Variants in PCDHGB2 observed in about 807,000 individuals in gnomAD.
PCDHGB2 encodes the protein protocadherin gamma subfamily B, 2.
Under a neutral mutation model 59.3 loss-of-function variants are expected in PCDHGB2, and 55 were observed. The ratio of observed to expected loss-of-function variants is 0.93; its 90% CI spans 0.75 to 1.16. PCDHGB2 has a LOEUF of 1.16. PCDHGB2 is among the 50% of genes most tolerant of loss of function. PCDHGB2 has a pLI of 0.00. For synonymous variants in PCDHGB2, 516 were observed against 512.0 expected (o/e 1.01, Z -0.11); for missense variants, 1,228 against 1,198.5 (o/e 1.02, Z -0.36).
intron 1 of PCDHGB2, chr5:141,398,838 T>C: frequency 6.2e-7 from 1 of 1,613,946 alleles, no homozygotes; most frequent in Non-Finnish European, 8.5e-7. Context: ...ACGCCAATGA[T>C]AATCCCCCGG....
chr5:141,394,980 C>T, intron 1 of PCDHGB2: 2 of 1,614,012 alleles, frequency 1.2e-6, no homozygotes, highest in Non-Finnish European at 1.7e-6. Flanking sequence ...GCACAAGTCA[C>T]GCCTGCTCCA....
intron 1 of PCDHGB2, among the ~76,000 whole-genome samples, chr5:141,460,983 GTATA>G (rs59296681): frequency 0.024 from 3,365 of 137,748 alleles, 55 homozygotes; most frequent in African/African-American, 0.035. Flanking sequence ...GTGTGTGTGT[GTATA>G]TATATATATG....
intron 1 of PCDHGB2, among the ~76,000 whole-genome samples, chr5:141,473,871 T>A (rs2099330260): frequency 1.3e-5 from 2 of 152,190 alleles, no homozygotes; most frequent in Admixed American, 6.5e-5. Context: ...TTGTGGAGAA[T>A]GCATACACAA....
intron 1 of PCDHGB2, chr5:141,433,253 G>T: frequency 7.1e-7 from 1 of 1,416,466 alleles, no homozygotes; most frequent in South Asian, 1.3e-5. Flanking sequence ...GAATGCAGCG[G>T]TACGATCATA....
chr5:141,394,138 T>C (rs1360282699), intron 1 of PCDHGB2: 1 of 1,613,860 alleles, frequency 6.2e-7, no homozygotes. Flanking sequence ...GCTCTGCACG[T>C]GGCAGACATT....
intron 1 of PCDHGB2, among the ~76,000 whole-genome samples, chr5:141,407,680 C>A (rs2094967585): frequency 6.6e-6 from 1 of 151,942 alleles, no homozygotes; most frequent in Non-Finnish European, 1.5e-5. Flanking sequence ...CAAAGATTGG[C>A]TTTGTGGTGA....
chr5:141,364,528 C>G (rs1445482375), intron 1 of PCDHGB2: 43 of 1,614,048 alleles, frequency 2.7e-5, no homozygotes, highest in Non-Finnish European at 3.6e-5. Flanking sequence ...GAGTCCGCAT[C>G]GTCTCCAGAG....
chr5:141,476,979 G>C lies in PCDHGB2; in HGVS notation c.2422-17828G>C. On this transcript the variant is annotated intron_variant, in intron 1 of 3. Coordinates refer to ENST00000522605, the MANE Select transcript of PCDHGB2 (RefSeq NM_018923.3). The surrounding 1 kb of genome is among the most constrained non-coding windows in gnomAD (Gnocchi z 7.6). Reference sequence around the variant, plus strand: ...ATTTACTCCTTCGGCAGCCACAACCGCGCCGGCGTGCGGCAACTATTCGCC... The same window carrying C: ...ATTTACTCCTTCGGCAGCCACAACCCCGCCGGCGTGCGGCAACTATTCGCC... 1 of 1,614,238 alleles carries C rather than the reference G, an allele frequency of 6.2e-7. No homozygotes were observed. The highest frequency in any genetic ancestry group is 1.3e-5 in the African/African-American group (1 of 75,074).
chr5:141,393,934 A>G, intron 1 of PCDHGB2: 3 of 1,613,984 alleles, frequency 1.9e-6, no homozygotes, highest in Non-Finnish European at 2.5e-6. Context: ...GTGCATGACC[A>G]AGACTCTGGA....
At chr5:141,502,140 G>A (rs534984161) in intron 2 of PCDHGB2, among the ~76,000 whole-genome samples, 1 of 152,268 alleles carries the variant, frequency 6.6e-6, no homozygotes, top group South Asian at 2.1e-4. Context: ...CAGTCGGGCC[G>A]GAAGTAAGGA....
Position 141,491,886 on chromosome 5 carries a change from G to A in PCDHGB2, c.2422-2921G>A. On this transcript the variant is annotated intron_variant, in intron 1 of 3. Coordinates refer to ENST00000522605, the MANE Select transcript of PCDHGB2 (RefSeq NM_018923.3). The surrounding 1 kb of genome is among the most constrained non-coding windows in gnomAD (Gnocchi z 6.9). ...CCAGAGTGGCCGATTAAGGGATGGG[G>A]CTCCGAGCACCGGGGGTGGTGGCGA... 6.9e-7 allele frequency: 1 copy of A among 1,445,558 alleles called. No individual in the cohort carries two copies. Among genetic ancestry groups the A allele is most frequent in the Non-Finnish European group, 9.1e-7 (1 of 1,093,458 alleles). 89.5% of individuals were successfully genotyped at this position (1,445,558 alleles called of 1,614,324 possible). A position where few individuals can be genotyped will look rare whatever the true frequency, so the allele number is the denominator to read the frequency against.
chr5:141,459,162 T>A (rs1408033955), intron 1 of PCDHGB2, among the ~76,000 whole-genome samples: 3 of 152,224 alleles, frequency 2.0e-5, no homozygotes, highest in African/African-American at 7.2e-5. Context: ...AACATTTCTA[T>A]AACCTTCAAA....
At chr5:141,435,995 A>C (rs1033174115) in intron 1 of PCDHGB2, among the ~76,000 whole-genome samples, 2 of 152,144 alleles carry the variant, frequency 1.3e-5, no homozygotes, top group African/African-American at 4.8e-5. Context: ...TGATTTTTTG[A>C]AAGAAAGTAT....
Position 141,489,429 on chromosome 5 carries a change from G to A in PCDHGB2, c.2422-5378G>A. 1 of 1,614,140 alleles carries A rather than the reference G, an allele frequency of 6.2e-7. No individual in the cohort carries two copies. Among genetic ancestry groups the A allele is most frequent in the Non-Finnish European group, 8.5e-7 (1 of 1,180,036 alleles). ...AGATGACAGATCTGTTGAGCCGGCG[G>A]CTGCAATTGGGCTCTGAGGAGAATG... On this transcript the variant is annotated intron_variant, in intron 1 of 3. Transcript: ENST00000522605. The surrounding 1 kb of genome is among the most constrained non-coding windows in gnomAD (Gnocchi z 4.5).
intron 1 of PCDHGB2, chr5:141,373,939 G>A: frequency 2.8e-6 from 2 of 714,100 alleles, no homozygotes; most frequent in Non-Finnish European, 2.1e-6. Flanking sequence ...AAGCAGGAAA[G>A]CTGTGCAGAA....
intron 2 of PCDHGB2, among the ~76,000 whole-genome samples, chr5:141,498,848 G>T (rs930895553): frequency 6.6e-6 from 1 of 151,908 alleles, no homozygotes; most frequent in African/African-American, 2.4e-5. Context: ...CAGGGGAATC[G>T]CTTGAACCCA....
At chr5:141,406,948 CAT>C (rs777377851) in intron 1 of PCDHGB2, among the ~76,000 whole-genome samples, 2 of 152,096 alleles carry the variant, frequency 1.3e-5, no homozygotes, top group Non-Finnish European at 2.9e-5. Context: ...TTATTTTAAA[CAT>C]AGTGTTGTTT....
At chr5:141,372,895 T>C in intron 1 of PCDHGB2, 1 of 1,115,450 alleles carries the variant, frequency 9.0e-7, no homozygotes, top group South Asian at 1.7e-5. Flanking sequence ...AGATTAAATA[T>C]TCCCTGATTA....
intron 1 of PCDHGB2, chr5:141,372,266 T>C (rs1230396538): frequency 6.2e-7 from 1 of 1,613,082 alleles, no homozygotes. Flanking sequence ...TGCGCACGGG[T>C]GAGGTGCGCA....
Sources: allele counts gnomAD v4.1 joint callset (sites outside exome capture counted in the v4.1 genomes callset), GRCh38; gene constraint gnomAD v4.1.1; non-coding constraint Gnocchi (gnomAD v3.1); transcripts MANE v1.5; gene names NCBI Gene and HGNC (gene_info 2026-07-23, HGNC 2026-07-21).